Variants in ROBO2 observed in about 807,000 individuals in gnomAD.
ROBO2 encodes roundabout homolog 2.
In ROBO2, 53 loss-of-function variants were observed where a neutral mutation model predicts 160.8. The ratio of observed to expected loss-of-function variants is 0.33; its 90% CI spans 0.26 to 0.41. The LOEUF (loss-of-function observed/expected upper bound fraction) is 0.41, where lower values mean the gene tolerates loss of function less well. Among genes scored for constraint, ROBO2 ranks in the 10% least tolerant of loss-of-function variants. The probability of loss-of-function intolerance (pLI) is 1.00; values close to 1 mark genes in which losing one functional copy is unlikely to be tolerated. For missense variants in ROBO2, 1,577 were observed against 1,722.4 expected (o/e 0.92, Z 1.49); for synonymous variants, 664 against 611.7 (o/e 1.09, Z -1.26).
chr3:76,046,418 C>G (rs1019654387), intron 2 of ROBO2, among the ~76,000 whole-genome samples: 5 of 151,838 alleles, frequency 3.3e-5, no homozygotes, highest in African/African-American at 1.2e-4. Context: ...GGGAGGCCGA[C>G]GCGGGTGGAT....
intron 2 of ROBO2, among the ~76,000 whole-genome samples, chr3:76,104,105 A>G (rs2069819100): frequency 6.6e-6 from 1 of 152,230 alleles, no homozygotes; most frequent in Non-Finnish European, 1.5e-5. Flanking sequence ...CTTATAGGCC[A>G]GTGTGTTCAT....
chr3:77,452,041 T>A (rs1224076305), intron 2 of ROBO2, among the ~76,000 whole-genome samples: 1 of 152,164 alleles, frequency 6.6e-6, no homozygotes, highest in African/African-American at 2.4e-5. Flanking sequence ...GTCCTTGGGA[T>A]AGTTTACTGA....
intron 2 of ROBO2, among the ~76,000 whole-genome samples, chr3:76,272,799 TATAAAATATATAATATG>T (rs1423504139): frequency 1.9e-5 from 1 of 52,434 alleles, no homozygotes; most frequent in Non-Finnish European, 4.1e-5. Context: ...AATATATATA[TATAAAATATATAATATG>T]TATTTATATA....
At chr3:76,309,860 A>G (rs982887953) in intron 2 of ROBO2, among the ~76,000 whole-genome samples, 1 of 152,132 alleles carries the variant, frequency 6.6e-6, no homozygotes, top group African/African-American at 2.4e-5. Context: ...GTCTTGCTCT[A>G]TCGCCCAGGC....
intron 2 of ROBO2, among the ~76,000 whole-genome samples, chr3:76,121,253 C>A (rs893306820): frequency 2.0e-5 from 3 of 152,098 alleles, no homozygotes; most frequent in Admixed American, 6.6e-5. Flanking sequence ...AGATTACTAT[C>A]TTTGGCATAT....
intron 2 of ROBO2, among the ~76,000 whole-genome samples, chr3:76,846,635 CT>C (rs1316302406): frequency 6.6e-6 from 1 of 151,866 alleles, no homozygotes; most frequent in Non-Finnish European, 1.5e-5. Context: ...GACTTTTCTT[CT>C]TTTATTTTTA....
intron 2 of ROBO2, among the ~76,000 whole-genome samples, chr3:76,608,888 T>C (rs2087863108): frequency 1.3e-5 from 2 of 152,156 alleles, no homozygotes; most frequent in South Asian, 2.1e-4. Flanking sequence ...CAGTGTACAC[T>C]GTATTCAATA....
At chr3:76,003,538 AT>A (rs1170899385) in intron 2 of ROBO2, among the ~76,000 whole-genome samples, 1 of 152,190 alleles carries the variant, frequency 6.6e-6, no homozygotes, top group Admixed American at 6.6e-5. Context: ...CCAATTGGAA[AT>A]TTTTGTAACT....
intron 2 of ROBO2, among the ~76,000 whole-genome samples, chr3:76,573,172 G>A (rs1173073386): frequency 6.6e-6 from 1 of 152,100 alleles, no homozygotes; most frequent in East Asian, 1.9e-4. Flanking sequence ...AGGTCAAATA[G>A]ATCTGGATTA....
At chr3:76,833,840 A>C (rs980026002) in intron 2 of ROBO2, among the ~76,000 whole-genome samples, 1 of 152,150 alleles carries the variant, frequency 6.6e-6, no homozygotes, top group African/African-American at 2.4e-5. Flanking sequence ...CAATCAGTTA[A>C]AATGAATTGA....
At chr3:76,174,470 A>G (rs1310571290) in intron 2 of ROBO2, among the ~76,000 whole-genome samples, 1 of 151,882 alleles carries the variant, frequency 6.6e-6, no homozygotes, top group Admixed American at 6.6e-5. Flanking sequence ...TTGCCTAGGT[A>G]TTCTTTTAGG....
At chr3:76,171,817 A>G (rs1445276185) in intron 2 of ROBO2, among the ~76,000 whole-genome samples, 2 of 152,062 alleles carry the variant, frequency 1.3e-5, no homozygotes, top group South Asian at 4.1e-4. Flanking sequence ...AAAGAACCCT[A>G]TTATTTTTGG....
chr3:77,312,756 G>A (rs2063657248), intron 2 of ROBO2, among the ~76,000 whole-genome samples: 1 of 152,150 alleles, frequency 6.6e-6, no homozygotes, highest in South Asian at 2.1e-4. Context: ...GAGTGAAAAT[G>A]TCTACCTTAA....
At chr3:76,181,518 AT>A (rs1301468481) in intron 2 of ROBO2, among the ~76,000 whole-genome samples, 3 of 152,176 alleles carry the variant, frequency 2.0e-5, no homozygotes, top group East Asian at 1.9e-4. Context: ...CAGCCTTACA[AT>A]GTGATAACTA....
chr3:77,477,490 G>C, exon 3 of ROBO2: 1 of 1,613,980 alleles, frequency 6.2e-7, no homozygotes, highest in Non-Finnish European at 8.5e-7. Flanking sequence ...TGGAGTGCCA[G>C]CCTCCCCGGG....
intron 2 of ROBO2, among the ~76,000 whole-genome samples, chr3:76,380,382 A>G (rs771050673): frequency 2.6e-5 from 4 of 152,258 alleles, no homozygotes; most frequent in Admixed American, 6.5e-5. Flanking sequence ...CTTGATCTCA[A>G]TGAGCTTCAG....
rs1243884211 is a variant in ROBO2 at position 76,490,656 on chromosome 3, A to AT, written c.109+553061dup. ...ATGGAAAAAGGACACACATTTTTAT[A>AT]TTTTTTTAATTTAAAAAAATGCAAC... On this transcript the variant is annotated intron_variant, in intron 2 of 26. Transcript: ENST00000487694. Among the ~76,000 whole-genome samples, 4 of 152,100 alleles carry AT rather than the reference A, an allele frequency of 2.6e-5. No homozygotes were observed. The East Asian group carries it at 7.7e-4, about 29-fold the overall frequency.
chr3:76,463,879 A>G (rs1450476827), intron 2 of ROBO2, among the ~76,000 whole-genome samples: 2 of 152,308 alleles, frequency 1.3e-5, no homozygotes, highest in African/African-American at 4.8e-5. Flanking sequence ...CCCCTCAAGT[A>G]AGGGCCTGTT....
chr3:76,935,871 A>G (rs1346286076), intron 2 of ROBO2, among the ~76,000 whole-genome samples: 2 of 152,168 alleles, frequency 1.3e-5, no homozygotes, highest in Non-Finnish European at 2.9e-5. Flanking sequence ...AATCCCATTC[A>G]TGAAGACTCT....
Sources: allele counts gnomAD v4.1 joint callset (sites outside exome capture counted in the v4.1 genomes callset), GRCh38; gene constraint gnomAD v4.1.1; transcripts MANE v1.5; gene names NCBI Gene and HGNC (gene_info 2026-07-23, HGNC 2026-07-21).